The following MSL3 variants were observed in gnomAD, a reference collection of about 807,000 sequenced individuals.
MSL3 encodes the protein MSL complex subunit 3, also known as MSL3-like 1.
A neutral mutation model predicts 37.2 loss-of-function variants in MSL3; 5 were observed. That is an observed-to-expected ratio of 0.13 (90% CI 0.07 to 0.28). The LOEUF is 0.28. Among genes scored for constraint, MSL3 ranks in the 10% least tolerant of loss-of-function variants. MSL3 has a pLI of 1.00. For missense variants in MSL3, 315 were observed against 408.5 expected (o/e 0.77, Z 1.97); for synonymous variants, 149 against 147.6 (o/e 1.01, Z -0.07).
intron 12 of MSL3, among the ~76,000 whole-genome samples, chrX:11,773,582 C>T (rs1455005550): frequency 8.9e-6 from 1 of 111,810 alleles, no homozygotes; most frequent in Non-Finnish European, 1.9e-5. Context: ...AAACAAGTTT[C>T]CAAAAGACCC....
At chrX:11,762,021 C>A in intron 5 of MSL3, 109 bp from the exon 6 acceptor site, 1 of 586,333 alleles carries the variant, frequency 1.7e-6, no homozygotes, top group Non-Finnish European at 2.6e-6. Flanking sequence ...GAACACGTGG[C>A]ATACTATGAT....
intron 9 of MSL3, 137 bp downstream of exon 9, chrX:11,765,866 C>T (rs1444028197): frequency 2.7e-6 from 3 of 1,114,253 alleles, no homozygotes; most frequent in Non-Finnish European, 3.5e-6. Context: ...TGCTGTCATG[C>T]TGCCTGCTTT....
Position 11,762,972 on chromosome X carries a change from G to A in MSL3, c.724G>A (p.Val242Met). ...HHVMPHANMN[V>M]HYIPAEKNVD... The stretch of plus-strand genomic sequence containing the variant: ...CGTTATGCCACATGCCAACATGAAC[G>A]TGCATTATATCCCAGCAGAAAAGAA... The change falls in exon 7 of 13, where the codon GTG (valine) becomes ATG (methionine). Residue 242 changes from valine (V) to methionine (M), a missense_variant. Val to Met is a conservative substitution (Grantham distance 21). Coordinates refer to ENST00000312196, the MANE Select transcript of MSL3 (RefSeq NM_078629.4). The A allele has an allele frequency of 8.3e-7, 1 of 1,208,434 alleles. No individual in the cohort carries two copies. Among genetic ancestry groups the A allele is most frequent in the East Asian group, 3.0e-5 (1 of 33,652 alleles).
chrX:11,760,244 G>A, intron 2 of MSL3, 159 bp from the exon 3 acceptor site: 1 of 398,819 alleles, frequency 2.5e-6, no homozygotes, highest in Non-Finnish European at 4.3e-6. Flanking sequence ...GTCTGAATGA[G>A]TTACTTTTTC....
intron 9 of MSL3, chrX:11,767,776 T>A: frequency 2.2e-6 from 1 of 456,858 alleles, no homozygotes; most frequent in Non-Finnish European, 2.7e-6. Context: ...CATTTGCTTC[T>A]CCCTATGTCC....
intron 6 of MSL3, 22 bp from the exon 7 acceptor site, chrX:11,762,815 A>C: frequency 8.4e-7 from 1 of 1,191,469 alleles, no homozygotes; most frequent in Non-Finnish European, 1.1e-6. Context: ...CATACATCAG[A>C]TGTCTATGTT....
intron 10 of MSL3, among the ~76,000 whole-genome samples, chrX:11,771,808 C>T (rs922738236): frequency 2.7e-5 from 3 of 111,573 alleles, no homozygotes; most frequent in African/African-American, 9.8e-5. Context: ...CTCAAGCTCC[C>T]GACCGCAGTT....
chrX:11,758,336 A>G lies in MSL3; in HGVS notation c.73A>G (p.Thr25Ala), dbSNP rs1166681935. Reference sequence around the variant, plus strand: ...AGTGCTGTGCTTCGAGCCTGACCCCACCAAGGCGCGAGTGCTGTACGATGC... The same window carrying G: ...AGTGCTGTGCTTCGAGCCTGACCCCGCCAAGGCGCGAGTGCTGTACGATGC... ...EKVLCFEPDP[T>A]KARVLYDAKI... The change falls in exon 1 of 13, where the codon ACC (threonine) becomes GCC (alanine). Residue 25 changes from threonine (T) to alanine (A), a missense_variant. Coordinates refer to ENST00000312196, the MANE Select transcript of MSL3 (RefSeq NM_078629.4). The G allele has an allele frequency of 8.8e-7, 1 of 1,130,812 alleles. No individual in the cohort carries two copies. The highest frequency in any genetic ancestry group is 1.2e-6 in the Non-Finnish European group (1 of 852,625). The allele number at this position is 1,130,812 out of a possible 1,213,427, so 93.2% of individuals were successfully genotyped here. A position where few individuals can be genotyped will look rare whatever the true frequency, so the allele number is the denominator to read the frequency against.
At chrX:11,765,816 ATG>A (rs775212692) in intron 9 of MSL3, 87 bp downstream of exon 9, 2 of 1,171,034 alleles carry the variant, frequency 1.7e-6, no homozygotes, top group Non-Finnish European at 1.1e-6. Flanking sequence ...CTGAGGTTAC[ATG>A]TGTGTGTGTA....
chrX:11,763,604 G>A (rs1203199613), intron 7 of MSL3, among the ~76,000 whole-genome samples, 176 bp from the exon 8 acceptor site: 1 of 112,672 alleles, frequency 8.9e-6, no homozygotes, highest in African/African-American at 3.2e-5. Context: ...TGCACTTTAT[G>A]TTTTCCTATG....
chrX:11,768,182 C>T (rs1336295563), intron 9 of MSL3: 2 of 130,878 alleles, frequency 1.5e-5, no homozygotes, highest in East Asian at 4.9e-4. Flanking sequence ...TCAGCACCCC[C>T]CCACGAGAAA....
intron 10 of MSL3, among the ~76,000 whole-genome samples, chrX:11,770,727 C>T (rs1276705677): frequency 8.9e-6 from 1 of 111,979 alleles, no homozygotes; most frequent in Non-Finnish European, 1.9e-5. Context: ...TAGAAACCTA[C>T]CATTTTTCCC....
chrX:11,760,508 CA>C lies in MSL3; in HGVS notation c.281+15del. The C allele has an allele frequency of 1.5e-5, 17 of 1,151,318 alleles. No individual in the cohort carries two copies. The highest frequency in any genetic ancestry group is 2.3e-5 in the Admixed American group (1 of 43,445). The allele number at this position is 1,151,318 out of a possible 1,213,427, so 94.9% of individuals were successfully genotyped here. On this transcript the variant is annotated intron_variant, in intron 3 of 12. Coordinates refer to ENST00000312196, the MANE Select transcript of MSL3 (RefSeq NM_078629.4). ...AAGCTGTAGCTCGCCTGTAAGAATA[CA>C]AAAATCAAGATATAAATGTTATCCA...
chrX:11,758,618 C>T (rs1220040359), intron 1 of MSL3: 11 of 1,144,350 alleles, frequency 9.6e-6, no homozygotes, highest in Non-Finnish European at 1.3e-5. Flanking sequence ...TGCTTTGTCG[C>T]GTTACCGGGG....
chrX:11,765,887 A>G (rs965173510), intron 9 of MSL3, 158 bp downstream of exon 9: 18 of 1,114,606 alleles, frequency 1.6e-5, no homozygotes, highest in Admixed American at 1.5e-4. Context: ...CTGGAGCTGT[A>G]GAAAGTTGAA....
chrX:11,762,817 G>A lies in MSL3; in HGVS notation c.589-20G>A. On this transcript the variant is annotated intron_variant, in intron 6 of 12. Transcript: ENST00000312196. ...TTACATTAGGATGCATACATCAGAT[G>A]TCTATGTTTTTGTTAACAGTTAGTG... The A allele has an allele frequency of 1.7e-6, 2 of 1,194,191 alleles. No individual in the cohort carries two copies. The highest frequency in any genetic ancestry group is 2.3e-6 in the Non-Finnish European group (2 of 883,594).
intron 1 of MSL3, chrX:11,759,580 A>C (rs2053109173): frequency 9.6e-7 from 1 of 1,044,273 alleles, no homozygotes; most frequent in Non-Finnish European, 1.2e-6. Flanking sequence ...TCACGCTCAG[A>C]GACCAATCAC....
Position 11,765,592 on chromosome X carries a change from T to C in MSL3, c.1034T>C (p.Leu345Ser), listed in dbSNP as rs927911493. ...PKRRKAEPEA[L>S]QSLRRSTRHS... The stretch of plus-strand genomic sequence containing the variant: ...AGGCGCAAAGCTGAGCCAGAAGCAT[T>C]GCAGTCTCTGAGGCGGTCCACGCGC... Residue 345 changes from leucine to serine, a missense_variant, in exon 9 of 13, where the codon TTG (leucine) becomes TCG (serine). Coordinates refer to ENST00000312196, the MANE Select transcript of MSL3 (RefSeq NM_078629.4). 8.3e-7 allele frequency: 1 copy of C among 1,210,379 alleles called. No homozygotes were observed. The highest frequency in any genetic ancestry group is 1.1e-6 in the Non-Finnish European group (1 of 895,064).
chrX:11,770,438 T>A (rs1301383789), intron 10 of MSL3, among the ~76,000 whole-genome samples: 1 of 112,183 alleles, frequency 8.9e-6, no homozygotes, highest in Non-Finnish European at 1.9e-5. Context: ...CGGTCTGCAG[T>A]GCGAATGCGC....
Sources: gnomAD v4.1 joint callset for allele counts (sites outside exome capture counted in the v4.1 genomes callset) on GRCh38, gnomAD v4.1.1 for gene constraint, MANE v1.5 for transcripts, NCBI Gene and HGNC (gene_info 2026-07-23, HGNC 2026-07-21) for gene names.